The following MINDY2 variants were observed in gnomAD, a reference collection of about 807,000 sequenced individuals.
MINDY2 encodes the protein ubiquitin carboxyl-terminal hydrolase MINDY-2.
MINDY2 carries 52 observed loss-of-function variants against 68.2 expected under a neutral mutation model. The ratio of observed to expected loss-of-function variants is 0.76; its 90% CI spans 0.61 to 0.96. The LOEUF (loss-of-function observed/expected upper bound fraction) is 0.96. MINDY2 is among the 40% of genes least tolerant of loss of function. The pLI is 0.00. For missense variants in MINDY2, 881 were observed against 773.4 expected (o/e 1.14, Z -1.65); for synonymous variants, 372 against 303.0 (o/e 1.23, Z -2.36).
chr15:58,807,824 G>A (rs566193762), intron 3 of MINDY2, among the ~76,000 whole-genome samples: 13 of 152,098 alleles, frequency 8.5e-5, no homozygotes, highest in Admixed American at 6.5e-4. Context: ...TGTCCCAGCC[G>A]CACTGGGCCC....
At chr15:58,775,682 T>TTGATTGGCTGGG (rs1279297490) in intron 1 of MINDY2, among the ~76,000 whole-genome samples, 1 of 151,998 alleles carries the variant, frequency 6.6e-6, no homozygotes, top group Non-Finnish European at 1.5e-5. Context: ...ACCTGGGTAA[T>TTGATTGGCTGGG]AGAGATTGGC....
At chr15:58,784,217 T>C (rs1901337071) in intron 1 of MINDY2, among the ~76,000 whole-genome samples, 2 of 151,792 alleles carry the variant, frequency 1.3e-5, no homozygotes, top group African/African-American at 4.8e-5. Context: ...TTCCAGCTAC[T>C]TGGGAGGCTC....
At position 58,854,632 on chromosome 15, in the gene MINDY2, A is replaced by G. The variant is rs1308380324; in HGVS notation, c.*22A>G. On this transcript the variant is annotated 3_prime_UTR_variant, in exon 9 of 9. Transcript: ENST00000559228. ...GTAACAAGTGTTGGCTTCTGTTGGA[A>G]CCACCTATATGTCTTGAGAAACAAA... 1.3e-6 allele frequency: 2 copies of G among 1,597,446 alleles called. No homozygotes were observed. The highest frequency in any genetic ancestry group is 1.7e-6 in the Non-Finnish European group (2 of 1,177,558).
intron 4 of MINDY2, among the ~76,000 whole-genome samples, chr15:58,816,927 G>C (rs556512273): frequency 6.6e-6 from 1 of 152,052 alleles, no homozygotes; most frequent in African/African-American, 2.4e-5. Flanking sequence ...AATAGCCACC[G>C]TACTCCAGCC....
intron 6 of MINDY2, among the ~76,000 whole-genome samples, chr15:58,836,835 GTCT>G (rs1490474255): frequency 6.6e-6 from 1 of 151,892 alleles, no homozygotes; most frequent in East Asian, 1.9e-4. Context: ...GCCCAAATTG[GTCT>G]TGAGCTCCTG....
At chr15:58,816,732 G>C (rs900754516) in intron 4 of MINDY2, among the ~76,000 whole-genome samples, 2 of 152,158 alleles carry the variant, frequency 1.3e-5, no homozygotes, top group Non-Finnish European at 2.9e-5. Flanking sequence ...TAGACATAGA[G>C]GGAAAAAATG....
At chr15:58,834,351 T>TCC (rs1220885948) in intron 6 of MINDY2, among the ~76,000 whole-genome samples, 1 of 152,184 alleles carries the variant, frequency 6.6e-6, no homozygotes, top group Non-Finnish European at 1.5e-5. Flanking sequence ...TTTTTGCCTG[T>TCC]CCCAATTTTA....
intron 1 of MINDY2, among the ~76,000 whole-genome samples, chr15:58,785,287 A>G (rs1181763132): frequency 6.6e-6 from 1 of 152,170 alleles, no homozygotes; most frequent in East Asian, 1.9e-4. Flanking sequence ...TTTACTGGCT[A>G]TGATTCAGGA....
Position 58,810,211 on chromosome 15 carries a change from TC to T in MINDY2, c.964-15del. ...TTTTGATGTTTCTGAATTAGAACTTTCCCCTTTTCTATTTTCAGAATATGAG... is the reference window on the plus strand; with the variant it reads ...TTTTGATGTTTCTGAATTAGAACTTTCCCTTTTCTATTTTCAGAATATGAG... On this transcript the variant is annotated intron_variant, in intron 3 of 8. Transcript: ENST00000559228. 6.3e-7 allele frequency: 1 copy of T among 1,583,924 alleles called. No individual in the cohort carries two copies. The highest frequency in any genetic ancestry group is 8.6e-7 in the Non-Finnish European group (1 of 1,166,134).
At chr15:58,814,198 C>T (rs764675554) in intron 4 of MINDY2, among the ~76,000 whole-genome samples, 1 of 152,098 alleles carries the variant, frequency 6.6e-6, no homozygotes, top group Non-Finnish European at 1.5e-5. Flanking sequence ...CTTCGGCCTC[C>T]CAGAGTGCTG....
At chr15:58,831,041 GTATATATA>G (rs61211927) in intron 5 of MINDY2, among the ~76,000 whole-genome samples, 2 of 124,904 alleles carry the variant, frequency 1.6e-5, no homozygotes, top group Non-Finnish European at 3.2e-5. Context: ...GTGTGTGTGT[GTATATATA>G]TATATATATA....
chr15:58,858,465 C>T lies in MINDY2; in HGVS notation c.*3855C>T, dbSNP rs1285168405. ...TTTTGCTTTCAATGAATCAGAAAGT[C>T]AATTCACTAAGAGACAGATCATGAG... On this transcript the variant is annotated 3_prime_UTR_variant, in exon 9 of 9. Coordinates refer to ENST00000559228, the MANE Select transcript of MINDY2 (RefSeq NM_001040450.3). The T allele has an allele frequency of 2.0e-5, 3 of 152,082 alleles. No individual in the cohort carries two copies. The highest frequency in any genetic ancestry group is 2.9e-5 in the Non-Finnish European group (2 of 67,986). The allele number at this position is 152,082 out of a possible 1,614,324, so 9.4% of individuals were successfully genotyped here.
At chr15:58,835,083 A>G (rs1595765600) in intron 6 of MINDY2, among the ~76,000 whole-genome samples, 1 of 152,226 alleles carries the variant, frequency 6.6e-6, no homozygotes, top group East Asian at 1.9e-4. Flanking sequence ...TTTATTGAGC[A>G]TGTATCATGT....
At chr15:58,812,408 G>A (rs1462793130) in intron 4 of MINDY2, among the ~76,000 whole-genome samples, 1 of 149,372 alleles carries the variant, frequency 6.7e-6, no homozygotes, top group Non-Finnish European at 1.5e-5. Context: ...CTGCATTCTA[G>A]CCTGGCCAAC....
At position 58,812,987 on chromosome 15, in the gene MINDY2, C is replaced by G. The variant is rs1354003706; in HGVS notation, c.1122+2599C>G. 3.3e-5 allele frequency among the ~76,000 whole-genome samples: 5 copies of G among 152,170 alleles called. No individual in the cohort carries two copies. In the East Asian group the frequency reaches 9.6e-4, roughly 29 times the overall value. ...TCACACCCTTACCCTCTTCTTAACC[C>G]CTGACAACCACTAATCTTTCTCCAT... On this transcript the variant is annotated intron_variant, in intron 4 of 8. Transcript: ENST00000559228.
intron 4 of MINDY2, among the ~76,000 whole-genome samples, chr15:58,814,592 T>G (rs1014858645): frequency 6.9e-6 from 1 of 144,132 alleles, no homozygotes; most frequent in Non-Finnish European, 1.5e-5. Flanking sequence ...TTGCTCAGGC[T>G]GGTCTCGAAC....
chr15:58,790,816 GA>G (rs1489443946), intron 2 of MINDY2, among the ~76,000 whole-genome samples: 1 of 151,944 alleles, frequency 6.6e-6, no homozygotes, highest in Non-Finnish European at 1.5e-5. Flanking sequence ...ACTGAAGCAG[GA>G]AAAAATGGAG....
intron 4 of MINDY2, among the ~76,000 whole-genome samples, chr15:58,810,627 A>G (rs1312633589): frequency 6.6e-6 from 1 of 152,148 alleles, no homozygotes; most frequent in African/African-American, 2.4e-5. Flanking sequence ...CTCATAGAAG[A>G]CCACCCGTAC....
intron 6 of MINDY2, among the ~76,000 whole-genome samples, chr15:58,839,322 T>TTTATTTG (rs1555434704): frequency 3.4e-5 from 5 of 148,648 alleles, no homozygotes. Flanking sequence ...TAGACTGTTT[T>TTTATTTG]TTTGTTTGTT....
Sources: allele counts gnomAD v4.1 joint callset (sites outside exome capture counted in the v4.1 genomes callset), GRCh38; gene constraint gnomAD v4.1.1; transcripts MANE v1.5; gene names NCBI Gene and HGNC (gene_info 2026-07-23, HGNC 2026-07-21).